The following NAV2 variants were observed in gnomAD, a reference collection of about 807,000 sequenced individuals.
NAV2 encodes helicase, APC down-regulated 1.
In NAV2, 54 loss-of-function variants were observed where a neutral mutation model predicts 223.2. The observed-to-expected ratio is 0.24, with a 90% CI of 0.19 to 0.30. The LOEUF is 0.30. NAV2 is among the 10% of genes least tolerant of loss of function. The pLI is 1.00. For synonymous variants in NAV2, 1,279 were observed against 1,239.3 expected, an observed-to-expected ratio of 1.03 and a Z score of -0.67; for missense variants, 2,806 against 3,147.5, an observed-to-expected ratio of 0.89 and a Z score of 2.60.
chr11:19,491,868 C>T (rs1157111793), intron 1 of NAV2, among the ~76,000 whole-genome samples: 1 of 152,004 alleles, frequency 6.6e-6, no homozygotes, highest in Non-Finnish European at 1.5e-5. Context: ...GCGACTCTTC[C>T]TTTCACTTGA....
intron 1 of NAV2, among the ~76,000 whole-genome samples, chr11:19,830,190 A>G (rs979189621): frequency 6.6e-6 from 1 of 152,216 alleles, no homozygotes; most frequent in Admixed American, 6.5e-5. Context: ...ACGCCACTGC[A>G]CTCCAGGCTG....
intron 6 of NAV2, among the ~76,000 whole-genome samples, chr11:19,900,727 T>C (rs1416555040): frequency 6.6e-6 from 1 of 152,206 alleles, no homozygotes; most frequent in Non-Finnish European, 1.5e-5. Context: ...AGGAAGTATT[T>C]ATACCTCATT....
intron 8 of NAV2, among the ~76,000 whole-genome samples, chr11:19,945,115 CT>C (rs369846186): frequency 0.2 from 25,495 of 129,338 alleles, 2,899 homozygotes; most frequent in Middle Eastern, 0.37. Context: ...TTCTTTTTTT[CT>C]CTTTCTTTCT....
intron 29 of NAV2, 71 bp from the exon 30 acceptor site, chr11:20,095,600 CT>C: frequency 9.3e-7 from 1 of 1,073,212 alleles, no homozygotes; most frequent in Admixed American, 1.7e-5. Flanking sequence ...CTAAGGCAAC[CT>C]GAGTCCTCTG....
intron 1 of NAV2, among the ~76,000 whole-genome samples, chr11:19,727,251 T>C (rs951081592): frequency 6.6e-6 from 1 of 152,214 alleles, no homozygotes; most frequent in African/African-American, 2.4e-5. Flanking sequence ...CTGGTTGAGA[T>C]AGCACCTTTC....
chr11:20,013,300 G>A (rs1476135738), intron 11 of NAV2, among the ~76,000 whole-genome samples: 1 of 152,196 alleles, frequency 6.6e-6, no homozygotes, highest in African/African-American at 2.4e-5. Flanking sequence ...AAATTTGTAA[G>A]TACTTTCTGT....
chr11:19,894,039 TTG>T (rs1491327788), intron 6 of NAV2, among the ~76,000 whole-genome samples: 9 of 152,318 alleles, frequency 5.9e-5, no homozygotes, highest in Admixed American at 4.6e-4. Context: ...ATATATGTAT[TTG>T]TGTGTGTATA....
chr11:19,418,166 G>A (rs1187639456), intron 1 of NAV2, among the ~76,000 whole-genome samples: 1 of 152,114 alleles, frequency 6.6e-6, no homozygotes, highest in East Asian at 1.9e-4. Context: ...CTGACTTTCT[G>A]GCATCAAGAT....
Position 20,084,570 on chromosome 11 carries a change from G to A in NAV2, c.5498+1391G>A, listed in dbSNP as rs77200106. Among the ~76,000 whole-genome samples the A allele has an allele frequency of 8.5e-3, 1,288 of 152,294 alleles. 21 individuals carry two copies. Among genetic ancestry groups the A allele is most frequent in the African/African-American group, 0.029 (1,192 of 41,554 alleles). On this transcript the variant is annotated intron_variant, in intron 26 of 37. Coordinates refer to ENST00000349880, the MANE Select transcript of NAV2 (RefSeq NM_145117.5). Reference sequence around the variant, plus strand: ...ATGGGTGAGGGTAAAATTGAATGGGGGAAGGAAGAAGGACACTGAGGGACT... The same window carrying A: ...ATGGGTGAGGGTAAAATTGAATGGGAGAAGGAAGAAGGACACTGAGGGACT...
chr11:19,814,043 TG>T (rs2058967795), intron 1 of NAV2, among the ~76,000 whole-genome samples: 1 of 152,192 alleles, frequency 6.6e-6, no homozygotes, highest in Non-Finnish European at 1.5e-5. Context: ...GCTGCTTTTT[TG>T]TTTCATATGT....
intron 1 of NAV2, among the ~76,000 whole-genome samples, chr11:19,742,915 A>G (rs533403728): frequency 2.0e-5 from 3 of 152,308 alleles, no homozygotes; most frequent in African/African-American, 7.2e-5. Flanking sequence ...ACAGCAACAC[A>G]TGCATGGAGA....
At chr11:20,039,988 C>T (rs2056763136) in intron 12 of NAV2, among the ~76,000 whole-genome samples, 1 of 152,204 alleles carries the variant, frequency 6.6e-6, no homozygotes, top group Non-Finnish European at 1.5e-5. Context: ...GGGTAAGTTA[C>T]TTTTCCTCTT....
chr11:19,559,840 C>T (rs1045045175), intron 1 of NAV2, among the ~76,000 whole-genome samples: 6 of 152,180 alleles, frequency 3.9e-5, no homozygotes, highest in African/African-American at 1.4e-4. Context: ...TTTTCATGGT[C>T]TGCCCCTGGT....
intron 1 of NAV2, among the ~76,000 whole-genome samples, chr11:19,561,935 G>T (rs1347422265): frequency 6.6e-6 from 1 of 152,156 alleles, no homozygotes; most frequent in Non-Finnish European, 1.5e-5. Context: ...GGAGATGAGG[G>T]CTGAGGTCTC....
intron 1 of NAV2, 98 bp from the exon 2 acceptor site, chr11:19,832,386 A>C: frequency 1.2e-6 from 1 of 844,236 alleles, no homozygotes; most frequent in Non-Finnish European, 2.0e-6. Context: ...AAGCTCACCA[A>C]TGGGACAGTG....
intron 1 of NAV2, among the ~76,000 whole-genome samples, chr11:19,777,241 C>G (rs1483691421): frequency 6.6e-6 from 1 of 151,480 alleles, no homozygotes; most frequent in Admixed American, 6.6e-5. Flanking sequence ...GAGAGCTGGG[C>G]AGCGCGGGCG....
chr11:19,818,231 ATTTTTTT>A lies in NAV2; in HGVS notation c.268-14228_268-14222del, dbSNP rs34649376. 3.0e-3 allele frequency among the ~76,000 whole-genome samples: 170 copies of A among 56,030 alleles called. 3 individuals carry two copies. The highest frequency in any genetic ancestry group is 0.015 in the South Asian group (15 of 1,034). 36.8% of individuals were successfully genotyped at this position (56,030 alleles called of 152,430 possible). On this transcript the variant is annotated intron_variant, in intron 1 of 37. Coordinates refer to ENST00000349880, the MANE Select transcript of NAV2 (RefSeq NM_145117.5). Reference sequence around the variant, plus strand: ...CTGTCCCACCTGTGTGTATTTAGTGATTTTTTTTTTTTTTTTTTTTTTTTTTTTTTTA... The same window carrying A: ...CTGTCCCACCTGTGTGTATTTAGTGATTTTTTTTTTTTTTTTTTTTTTTTA...
chr11:19,728,654 C>A (rs750697663), intron 1 of NAV2, among the ~76,000 whole-genome samples: 1 of 152,224 alleles, frequency 6.6e-6, no homozygotes, highest in Non-Finnish European at 1.5e-5. Context: ...CTGCTCTCAG[C>A]ACTAAATGCG....
intron 2 of NAV2, among the ~76,000 whole-genome samples, chr11:19,835,541 GA>G (rs1169812461): frequency 2.0e-5 from 3 of 152,118 alleles, no homozygotes; most frequent in African/African-American, 7.2e-5. Context: ...TGAGAGGGGG[GA>G]GAAGCATCTT....
Sources: gnomAD v4.1 joint callset for allele counts (sites outside exome capture counted in the v4.1 genomes callset) on GRCh38, gnomAD v4.1.1 for gene constraint, MANE v1.5 for transcripts, NCBI Gene and HGNC (gene_info 2026-07-23, HGNC 2026-07-21) for gene names.